The following ATM variants were observed in gnomAD, a reference collection of about 807,000 sequenced individuals.
ATM encodes the protein ATM serine/threonine kinase, also known as serine-protein kinase ATM.
Under a neutral mutation model 387.0 loss-of-function variants are expected in ATM, and 308 were observed. The observed-to-expected ratio is 0.80, with a 90% CI of 0.73 to 0.87. The LOEUF (loss-of-function observed/expected upper bound fraction) is 0.87, where lower values mean the gene tolerates loss of function less well. Among genes scored for constraint, ATM ranks in the 40% least tolerant of loss-of-function variants. ATM has a pLI of 0.00. For synonymous variants in ATM, 1,156 were observed against 1,187.3 expected (o/e 0.97, Z 0.54); for missense variants, 3,312 against 3,560.9 (o/e 0.93, Z 1.78).
In ATM at chr11:108,320,000, C is replaced by T. The variant is rs551408889; in HGVS notation, c.6394C>T (p.Leu2132=). The T allele has an allele frequency of 1.9e-6, 3 of 1,612,672 alleles. No individual in the cohort carries two copies. Among genetic ancestry groups the T allele is most frequent in the Non-Finnish European group, 2.5e-6 (3 of 1,178,910 alleles). ...TTACCATGAATCATTGTACAATGCT[C>T]TACAATCTCTAAGAGACAGAGAATT... ...TSYHESLYNA[L]QSLRDREFST... Residue 2132 remains leucine (L), a synonymous_variant, in exon 44 of 63, where the codon CTA becomes TTA. Coordinates refer to ENST00000675843, the MANE Select transcript of ATM (RefSeq NM_000051.4).
intron 25 of ATM, among the ~76,000 whole-genome samples, chr11:108,283,559 A>G (rs974888981): frequency 6.6e-6 from 1 of 152,204 alleles, no homozygotes; most frequent in Admixed American, 6.5e-5. Flanking sequence ...ATAGATTATG[A>G]GTTGTATGTA....
In ATM at chr11:108,250,830, G is replaced by C. The variant is rs765130666; in HGVS notation, c.1365G>C (p.Val455=). ...QQRHGERTPY[V]LRCLTEVALC... ...GACATGGGGAACGTACACCATATGT[G>C]TTACGATGCCTTACGGAAGTTGCAT... The change falls in exon 10 of 63, where the codon GTG becomes GTC. Residue 455 remains valine (V), a synonymous_variant. Coordinates refer to ENST00000675843, the MANE Select transcript of ATM (RefSeq NM_000051.4). The C allele has an allele frequency of 6.2e-7, 1 of 1,614,084 alleles. No individual in the cohort carries two copies. Among genetic ancestry groups the C allele is most frequent in the South Asian group, 1.1e-5 (1 of 91,084 alleles).
rs77047876 is a variant in ATM, at chr11:108,255,058, T to C, written c.2124+1019T>C. Among the ~76,000 whole-genome samples, 913 of 152,366 alleles carry C rather than the reference T, an allele frequency of 6.0e-3. 8 individuals are homozygous for C. The highest frequency in any genetic ancestry group is 0.017 in the African/African-American group (726 of 41,588). Reference sequence around the variant, plus strand: ...TTTACATATGGTTTGTATACAAATATCTCTTGAACTATAACTCTTAAACAT... The same window carrying C: ...TTTACATATGGTTTGTATACAAATACCTCTTGAACTATAACTCTTAAACAT... On this transcript the variant is annotated intron_variant, in intron 13 of 62. Coordinates refer to ENST00000675843, the MANE Select transcript of ATM (RefSeq NM_000051.4).
intron 61 of ATM, among the ~76,000 whole-genome samples, chr11:108,360,462 C>T (rs1313727631): frequency 8.0e-6 from 1 of 124,962 alleles, no homozygotes; most frequent in Non-Finnish European, 1.7e-5. Flanking sequence ...CAGCATCATT[C>T]TGATACCAAA....
Position 108,312,422 on chromosome 11 carries a change from T to C in ATM, c.5930T>C (p.Phe1977Ser), listed in dbSNP as rs780867575. 4.4e-6 allele frequency: 7 copies of C among 1,593,978 alleles called. No homozygotes were observed. Among genetic ancestry groups the C allele is most frequent in the Non-Finnish European group, 6.0e-6 (7 of 1,162,022 alleles). Residue 1977 changes from phenylalanine (F) to serine (S), a missense_variant, in exon 40 of 63, where the codon TTT becomes TCT. Physicochemically the swap from Phe to Ser is radical, Grantham distance 155. Around this residue, in one of 4 missense-constraint regions of ATM, gnomAD observed 1,405 missense variants for 1,604.4 expected, o/e 0.88. Coordinates refer to ENST00000675843, the MANE Select transcript of ATM (RefSeq NM_000051.4). ...MDDQEKRSLA[F>S]EEGSQSTTIS... ...CTTGTGACAAACAGAAGTCTTGCAT[T>C]TGAAGAAGGAAGCCAGAGTACAACT...
chr11:108,303,594 C>T (rs2083534316), intron 36 of ATM, among the ~76,000 whole-genome samples: 1 of 152,136 alleles, frequency 6.6e-6, no homozygotes, highest in African/African-American at 2.4e-5. Flanking sequence ...GAAAATACAA[C>T]ATCTGATGAG....
In ATM at chr11:108,290,129, G is replaced by T. The variant is rs576081427; in HGVS notation, c.4436+328G>T. 2.4e-4 allele frequency: 55 copies of T among 233,752 alleles called. No individual in the cohort carries two copies. In the South Asian group the frequency reaches 4.5e-3, roughly 19 times the overall value. The allele number at this position is 233,752 out of a possible 1,614,324, so 14.5% of individuals were successfully genotyped here. A position where few individuals can be genotyped will look rare whatever the true frequency, so the allele number is the denominator to read the frequency against. On this transcript the variant is annotated intron_variant, in intron 29 of 62. Coordinates refer to ENST00000675843, the MANE Select transcript of ATM (RefSeq NM_000051.4). Reference sequence around the variant, plus strand: ...CAGCCTCAGCCTCCCAGTGTGCTGGGATTACAGGCATGAGCTACTATGCCC... The same window carrying T: ...CAGCCTCAGCCTCCCAGTGTGCTGGTATTACAGGCATGAGCTACTATGCCC...
chr11:108,244,632 GA>G (rs200780578), intron 6 of ATM, among the ~76,000 whole-genome samples, 155 bp from the exon 7 acceptor site: 1 of 6,520 alleles, frequency 1.5e-4, no homozygotes, highest in South Asian at 6.9e-3. Context: ...GTAATGCTGT[GA>G]TTTTTTTTTT....
At chr11:108,263,108 T>C (rs1300518623) in intron 16 of ATM, among the ~76,000 whole-genome samples, 1 of 150,954 alleles carries the variant, frequency 6.6e-6, no homozygotes, top group African/African-American at 2.4e-5. Context: ...TACCCAGGAA[T>C]TGAACTCAGC....
intron 10 of ATM, 123 bp downstream of exon 10, chr11:108,251,195 G>C: frequency 1.4e-6 from 2 of 1,441,032 alleles, no homozygotes; most frequent in East Asian, 2.3e-5. Context: ...TTCTATTTCA[G>C]ATGCTTTTCT....
chr11:108,318,133 G>A (rs976090912), intron 43 of ATM, among the ~76,000 whole-genome samples: 6 of 152,092 alleles, frequency 3.9e-5, no homozygotes, highest in African/African-American at 7.2e-5. Context: ...AGGCCAAGGC[G>A]GGTGGATCGC....
intron 48 of ATM, 33 bp downstream of exon 48, chr11:108,327,791 A>T: frequency 6.9e-7 from 1 of 1,458,784 alleles, no homozygotes; most frequent in Non-Finnish European, 9.6e-7. Flanking sequence ...TAAGATAGTT[A>T]CTTAGCATGA....
chr11:108,285,190 C>T (rs2082428901), intron 26 of ATM, among the ~76,000 whole-genome samples: 1 of 152,058 alleles, frequency 6.6e-6, no homozygotes, highest in South Asian at 2.1e-4. Flanking sequence ...TAACTCTTGA[C>T]CTCAGGTGAT....
chr11:108,242,682 T>C (rs2079622755), intron 5 of ATM, among the ~76,000 whole-genome samples: 1 of 152,124 alleles, frequency 6.6e-6, no homozygotes, highest in South Asian at 2.1e-4. Context: ...AGGACAGATT[T>C]ACTTGTAGCC....
chr11:108,246,779 A>C (rs1400850463), intron 7 of ATM, among the ~76,000 whole-genome samples, 185 bp from the exon 8 acceptor site: 1 of 152,232 alleles, frequency 6.6e-6, no homozygotes, highest in Non-Finnish European at 1.5e-5. Flanking sequence ...TCTAAATGTA[A>C]AATGGACAGT....
chr11:108,245,082 C>G, intron 7 of ATM, 56 bp downstream of exon 7: 1 of 1,386,216 alleles, frequency 7.2e-7, no homozygotes, highest in Non-Finnish European at 1.0e-6. Flanking sequence ...ACATAGAAGT[C>G]TAAGTATAAA....
In ATM at chr11:108,223,116, G is replaced by A; in HGVS notation, c.-101G>A. On this transcript the variant is annotated 5_prime_UTR_variant, in exon 1 of 63. Transcript: ENST00000675843. ...AAAGAAGCCGTGGCCGCGGGAGGAG[G>A]CGAGAGGAGTCGGGATCTGCGCTGC... is the stretch of plus-strand genomic sequence containing the variant. 1.1e-5 allele frequency: 2 copies of A among 186,350 alleles called. No individual in the cohort carries two copies. The highest frequency in any genetic ancestry group is 1.7e-4 in the South Asian group (2 of 11,446). The allele number at this position is 186,350 out of a possible 1,614,324, so 11.5% of individuals were successfully genotyped here. A position where few individuals can be genotyped will look rare whatever the true frequency, so the allele number is the denominator to read the frequency against.
At position 108,259,441 on chromosome 11, in the gene ATM, G is replaced by A. The variant is rs781102309; in HGVS notation, c.2466+366G>A. ...GTGGAGGTTGCAGTGAGCGAAGATC[G>A]TGCCACTGCACTCCAGCCTAGGCGA... On this transcript the variant is annotated intron_variant, in intron 16 of 62. Coordinates refer to ENST00000675843, the MANE Select transcript of ATM (RefSeq NM_000051.4). Among the ~76,000 whole-genome samples, 13 of 152,252 alleles carry A rather than the reference G, an allele frequency of 8.5e-5. No homozygotes were observed. In the East Asian group the frequency reaches 9.6e-4, roughly 11 times the overall value.
chr11:108,310,254 A>G lies in ATM; in HGVS notation c.5857A>G (p.Thr1953Ala), dbSNP rs2084033441. The change falls in exon 39 of 63, where the codon ACA (threonine) becomes GCA (alanine). Residue 1953 changes from threonine to alanine, a missense_variant. By Grantham distance (58) the Thr-to-Ala change is moderately conservative. Transcript: ENST00000675843. ...KVAQSCAAHF[T>A]ALLYAEIYAD... is the part of the protein sequence containing the mutation. ...AGCTCAGTCTTGTGCTGCTCACTTT[A>G]CAGCTTTACTCTATGCAGAAATCTA... 6.2e-7 allele frequency: 1 copy of G among 1,613,528 alleles called. No individual in the cohort carries two copies. The highest frequency in any genetic ancestry group is 2.2e-5 in the East Asian group (1 of 44,770).
Sources: allele counts gnomAD v4.1 joint callset (sites outside exome capture counted in the v4.1 genomes callset), GRCh38; gene constraint gnomAD v4.1.1; regional missense constraint gnomAD v4.1.1; transcripts MANE v1.5; gene names NCBI Gene and HGNC (gene_info 2026-07-23, HGNC 2026-07-21).